Variants in FAM53A observed in about 807,000 individuals in gnomAD.
FAM53A encodes protein FAM53A.
FAM53A carries 28 observed loss-of-function variants against 26.6 expected under a neutral mutation model. The ratio of observed to expected loss-of-function variants is 1.05; its 90% confidence interval spans 0.78 to 1.45. FAM53A has a LOEUF of 1.45. Ranked by LOEUF, FAM53A falls within the 40% of genes most tolerant of loss-of-function variation. The probability of loss-of-function intolerance (pLI) is 0.00; values close to 1 mark genes in which losing one functional copy is unlikely to be tolerated. For missense variants in FAM53A, 650 were observed against 575.8 expected, an observed-to-expected ratio of 1.13 and a Z score of -1.32; for synonymous variants, 290 against 253.1, an observed-to-expected ratio of 1.15 and a Z score of -1.38.
At chr4:1,594,622 T>C in the FAM53A span, among the ~76,000 whole-genome samples, 1 of 152,160 alleles carries the variant, frequency 6.6e-6, no homozygotes, top group African/African-American at 2.4e-5. Flanking sequence ...GCAGGCAGAT[T>C]GCTTGGGGTT....
At chr4:1,645,208 C>CA (rs201481316) in intron 4 of FAM53A, among the ~76,000 whole-genome samples, 9,628 of 152,220 alleles carry the variant, frequency 0.063, 386 homozygotes, top group Middle Eastern at 0.16. Flanking sequence ...AGGCACAGGC[C>CA]GGCCAAGCCA....
At chr4:1,600,403 C>A in the FAM53A span, among the ~76,000 whole-genome samples, 1 of 152,084 alleles carries the variant, frequency 6.6e-6, no homozygotes, top group African/African-American at 2.4e-5. Flanking sequence ...GCAGGTGGGG[C>A]CAGGGAGCCA....
In FAM53A at chr4:1,659,806, T is replaced by C. The variant is rs1016733318; in HGVS notation, c.76-2338A>G. Among the ~76,000 whole-genome samples the C allele has an allele frequency of 2.0e-5, 3 of 152,206 alleles. No homozygotes were observed. The highest frequency in any genetic ancestry group is 7.2e-5 in the African/African-American group (3 of 41,446). ...CGGCTCTTCCGGTTGTATCTATGCA[T>C]GGTCGAAGGGGCTGGCTTCCTCTCT... On this transcript the variant is annotated intron_variant, in intron 2 of 4. Coordinates refer to ENST00000308132, the MANE Select transcript of FAM53A (RefSeq NM_001174070.3). The surrounding 1 kb of genome is among the most constrained non-coding windows in gnomAD (Gnocchi z 5.2).
At chr4:1,611,298 C>G in the FAM53A span, among the ~76,000 whole-genome samples, 1 of 152,006 alleles carries the variant, frequency 6.6e-6, no homozygotes, top group South Asian at 2.1e-4. Context: ...CTGAGAGACA[C>G]CCCTGGCTGG....
At chr4:1,652,315 G>A (rs1212465796) in intron 4 of FAM53A, among the ~76,000 whole-genome samples, 5 of 108,268 alleles carry the variant, frequency 4.6e-5, no homozygotes, top group East Asian at 2.8e-4. Context: ...CACCACACAC[G>A]TCACACACAC....
chr4:1,590,625 T>A, the FAM53A span, among the ~76,000 whole-genome samples: 5 of 151,982 alleles, frequency 3.3e-5, no homozygotes, highest in African/African-American at 1.2e-4. Context: ...TGTGAAGCCA[T>A]CCGTTCCCAA....
downstream of FAM53A, among the ~76,000 whole-genome samples, chr4:1,615,520 T>C (rs1301961637): frequency 4.3e-5 from 4 of 93,520 alleles, no homozygotes; most frequent in Non-Finnish European, 4.3e-5. Context: ...AGACAGGATG[T>C]GGCCACGCCC....
chr4:1,619,336 G>A (rs1281923883), intron 1 of FAM53A, among the ~76,000 whole-genome samples: 2 of 152,180 alleles, frequency 1.3e-5, no homozygotes, highest in African/African-American at 4.8e-5. Context: ...CCAACGACCC[G>A]GCCTCACCAG....
At chr4:1,683,047 G>A (rs915243898) in intron 1 of FAM53A, among the ~76,000 whole-genome samples, 2 of 152,212 alleles carry the variant, frequency 1.3e-5, no homozygotes, top group Non-Finnish European at 2.9e-5. Context: ...AAGGGGATCA[G>A]GACTGCCAGT....
intron 2 of FAM53A, among the ~76,000 whole-genome samples, chr4:1,657,970 T>A (rs952734781): frequency 2.7e-5 from 4 of 148,086 alleles, no homozygotes; most frequent in Non-Finnish European, 6.0e-5. Context: ...TTTTAAAAAA[T>A]TTTTTCTGTT....
At chr4:1,637,523 T>C (rs1413651836), downstream of FAM53A, among the ~76,000 whole-genome samples, 3 of 152,046 alleles carry the variant, frequency 2.0e-5, no homozygotes, top group African/African-American at 7.2e-5. Flanking sequence ...CTCATCCCCA[T>C]ATCCCTGCCC....
At position 1,655,448 on chromosome 4, in the gene FAM53A, G is replaced by A. The variant is rs746674729; in HGVS notation, c.412C>T (p.Arg138Cys). ...EELVRCRSPW[R>C]PGSSKVWTPV... ...GTCCAGACCTTGGAGCTGCCGGGGC[G>A]CCAGGGGGACCGGCAGCGCACAAGC... Residue 138 changes from arginine to cysteine, a missense_variant, in exon 4 of 5, where the codon CGC becomes TGC. Coordinates refer to ENST00000308132, the MANE Select transcript of FAM53A (RefSeq NM_001174070.3). 4.4e-5 allele frequency: 67 copies of A among 1,535,552 alleles called. No homozygotes were observed. Among genetic ancestry groups the A allele is most frequent in the Non-Finnish European group, 4.4e-5 (50 of 1,140,576 alleles).
At position 1,670,053 on chromosome 4, in the gene FAM53A, C is replaced by G. The variant is rs1028906111; in HGVS notation, c.-164-1148G>C. ...GGCAGCACCGCTCAGGAGCATCTGC[C>G]CCAAAAGCCTGGCACGTGGGAGCCA... On this transcript the variant is annotated intron_variant, in intron 1 of 4. Transcript: ENST00000308132. Among the ~76,000 whole-genome samples, 3 of 152,220 alleles carry G rather than the reference C, an allele frequency of 2.0e-5. No homozygotes were observed. In the East Asian group the frequency reaches 5.8e-4, roughly 29 times the overall value.
downstream of FAM53A, among the ~76,000 whole-genome samples, chr4:1,635,673 G>A (rs796524612): frequency 4.6e-5 from 7 of 152,050 alleles, no homozygotes; most frequent in African/African-American, 1.4e-4. Context: ...GATCTGCCGC[G>A]CCCACTGCCA....
chr4:1,616,874 T>C (rs1714829593), downstream of FAM53A, among the ~76,000 whole-genome samples: 1 of 152,228 alleles, frequency 6.6e-6, no homozygotes, highest in Non-Finnish European at 1.5e-5. Context: ...CCGTGGCTCA[T>C]GCCTGCAATC....
chr4:1,628,620 A>G (rs113013952), intron 1 of FAM53A, among the ~76,000 whole-genome samples: 15 of 4,090 alleles, frequency 3.7e-3, no homozygotes, highest in Admixed American at 3.9e-3. Flanking sequence ...TGGCATGGGG[A>G]GGGTGGCATG....
the FAM53A span, among the ~76,000 whole-genome samples, chr4:1,579,223 C>G: frequency 0.028 from 4,053 of 146,492 alleles, 195 homozygotes; most frequent in African/African-American, 0.096. Flanking sequence ...TAGCCGCCAT[C>G]CCCGCCCGAG....
At chr4:1,674,997 C>T (rs1437540849) in intron 1 of FAM53A, among the ~76,000 whole-genome samples, 7 of 152,030 alleles carry the variant, frequency 4.6e-5, no homozygotes, top group African/African-American at 7.3e-5. Context: ...GAAACAGTGA[C>T]GGATGGTGGC....
At chr4:1,685,176 C>G (rs548561238), upstream of FAM53A, among the ~76,000 whole-genome samples, 1 of 152,288 alleles carries the variant, frequency 6.6e-6, no homozygotes, top group Non-Finnish European at 1.5e-5. Flanking sequence ...TCCGCCGACT[C>G]TGGAGATTCC....
Sources: allele counts gnomAD v4.1 joint callset (sites outside exome capture counted in the v4.1 genomes callset), GRCh38; gene constraint gnomAD v4.1.1; non-coding constraint Gnocchi (gnomAD v3.1); transcripts MANE v1.5; gene names NCBI Gene and HGNC (gene_info 2026-07-23, HGNC 2026-07-21).